Variants in SLC43A2 observed in about 807,000 individuals in gnomAD.
SLC43A2 encodes the protein large neutral amino acids transporter small subunit 4.
A neutral mutation model predicts 63.2 loss-of-function variants in SLC43A2; 38 were observed. The ratio of observed to expected loss-of-function variants is 0.60; its 90% CI spans 0.46 to 0.79. The LOEUF is 0.79. Among genes scored for constraint, SLC43A2 ranks in the 30% least tolerant of loss-of-function variants. The pLI is 0.00. For missense variants in SLC43A2, 644 were observed against 756.2 expected, an observed-to-expected ratio of 0.85 and a Z score of 1.74; for synonymous variants, 322 against 331.0, an observed-to-expected ratio of 0.97 and a Z score of 0.30.
Position 1,605,157 on chromosome 17 carries a change from G to A in SLC43A2, c.501+8038C>T. The A allele has an allele frequency of 8.0e-7, 1 of 1,245,192 alleles. No homozygotes were observed. The highest frequency in any genetic ancestry group is 1.0e-6 in the Non-Finnish European group (1 of 983,130). The allele number at this position is 1,245,192 out of a possible 1,614,324, so 77.1% of individuals were successfully genotyped here. A position where few individuals can be genotyped will look rare whatever the true frequency, so the allele number is the denominator to read the frequency against. On this transcript the variant is annotated intron_variant, in intron 5 of 13. Transcript: ENST00000301335. This position sits in a 1 kb window ranked among gnomAD's most constrained non-coding sequence, Gnocchi z 4.9. ...CCTCGCCGCCTCTGCCTCCGTGCGG[G>A]TCAACCTGTCCTGCCAGCCCGGGCT...
intron 6 of SLC43A2, 25 bp from the exon 7 acceptor site, chr17:1,591,724 T>TGGGGAGGGGGGGG: frequency 4.6e-6 from 1 of 218,408 alleles, no homozygotes. Flanking sequence ...GGGGACGGGG[T>TGGGGAGGGGGGGG]GGGGGGGGGA....
intron 2 of SLC43A2, 59 bp downstream of exon 2, chr17:1,627,653 TCCC>T: frequency 1.7e-5 from 5 of 298,350 alleles, no homozygotes; most frequent in Non-Finnish European, 3.2e-5. Flanking sequence ...TTCGCCCCCA[TCCC>T]GCCCCCTCCC....
Position 1,623,610 on chromosome 17 carries a change from C to CCT in SLC43A2, c.160+4103_160+4104dup, listed in dbSNP as rs1261427347. On this transcript the variant is annotated intron_variant, in intron 2 of 13. Coordinates refer to ENST00000301335, the MANE Select transcript of SLC43A2 (RefSeq NM_152346.3). The stretch of plus-strand genomic sequence containing the variant: ...CCGCCCCTTCCCACTTCTCTCCTCT[C>CCT]CTCCAGGGTGTACCCTCCTCTCCTC... Among the ~76,000 whole-genome samples the CCT allele has an allele frequency of 4.6e-5, 7 of 151,784 alleles. 1 individual carries two copies. The Middle Eastern group carries it at 0.02, about 443-fold the overall frequency.
intron 5 of SLC43A2, among the ~76,000 whole-genome samples, chr17:1,602,755 T>A (rs567064239): frequency 6.6e-6 from 1 of 151,010 alleles, no homozygotes; most frequent in Non-Finnish European, 1.5e-5. Context: ...TTTTGTTTTT[T>A]CAGTTTTTTT....
In SLC43A2 at chr17:1,618,664, G is replaced by A. The variant is rs963607051; in HGVS notation, c.161-1895C>T. On this transcript the variant is annotated intron_variant, in intron 2 of 13. Coordinates refer to ENST00000301335, the MANE Select transcript of SLC43A2 (RefSeq NM_152346.3). ...TCCCCAGTATCTCACCCAGGTCTTGGCCTACAATAGCTGTTTACTGAATAA... is the reference window on the plus strand; with the variant it reads ...TCCCCAGTATCTCACCCAGGTCTTGACCTACAATAGCTGTTTACTGAATAA... Among the ~76,000 whole-genome samples the A allele has an allele frequency of 4.6e-5, 7 of 152,326 alleles. No homozygotes were observed. The East Asian group carries it at 1.4e-3, about 29-fold the overall frequency.
intron 10 of SLC43A2, 104 bp downstream of exon 10, chr17:1,585,809 G>T (rs765660626): frequency 1.0e-5 from 16 of 1,603,614 alleles, no homozygotes; most frequent in East Asian, 2.2e-5. Flanking sequence ...GGAGTGCATT[G>T]CTCTCTCCCT....
Position 1,627,978 on chromosome 17 carries a change from C to CA in SLC43A2, c.-46-59dup, listed in dbSNP as rs1450692708. 3.1e-6 allele frequency: 4 copies of CA among 1,288,320 alleles called. No homozygotes were observed. In the African/African-American group the frequency reaches 4.7e-5, roughly 15 times the overall value. The allele number at this position is 1,288,320 out of a possible 1,614,324, so 79.8% of individuals were successfully genotyped here. A position where few individuals can be genotyped will look rare whatever the true frequency, so the allele number is the denominator to read the frequency against. On this transcript the variant is annotated intron_variant, in intron 1 of 13. Transcript: ENST00000301335. ...CTTGCCCAGCCCCTGCGGCCGCCCC[C>CA]AGCAGCCCCGACCGCTGCCGCAGGG...
intron 10 of SLC43A2, chr17:1,585,554 A>C: frequency 1.3e-6 from 1 of 743,536 alleles, no homozygotes; most frequent in Non-Finnish European, 1.9e-6. Context: ...CCAATTTTTA[A>C]ATTTTTTGTA....
chr17:1,591,216 A>T, intron 8 of SLC43A2, 53 bp downstream of exon 8: 1 of 1,584,170 alleles, frequency 6.3e-7, no homozygotes, highest in Non-Finnish European at 8.5e-7. Context: ...GGGTGAGCCG[A>T]TACCCACAGA....
Position 1,591,439 on chromosome 17 carries a change from T to A in SLC43A2, c.761A>T (p.Asp254Val). The A allele has an allele frequency of 6.2e-7, 1 of 1,613,018 alleles. No homozygotes were observed. The highest frequency in any genetic ancestry group is 8.5e-7 in the Non-Finnish European group (1 of 1,179,872). The change falls in exon 8 of 14, where the codon GAC (aspartate) becomes GTC (valine). Residue 254 changes from aspartate to valine, a missense_variant. Physicochemically the swap from Asp to Val is radical, Grantham distance 152 (BLOSUM62 -3). Around this residue, in one of 3 missense-constraint regions of SLC43A2, gnomAD observed 528 missense variants for 623.6 expected, o/e 0.85. Transcript: ENST00000301335. Reference sequence around the variant, plus strand: ...GAACTGCTTCCCTGTGATCTTGTGGTCAAAGCCCAGCCAGCTGAACTTGAT... The same window carrying A: ...GAACTGCTTCCCTGTGATCTTGTGGACAAAGCCCAGCCAGCTGAACTTGAT... ...VKIKFSWLGFDHKITGKQFYK... is the reference protein window; with the variant it reads ...VKIKFSWLGFVHKITGKQFYK...
intron 2 of SLC43A2, among the ~76,000 whole-genome samples, chr17:1,619,631 A>G (rs1204777342): frequency 6.6e-6 from 1 of 152,198 alleles, no homozygotes; most frequent in Non-Finnish European, 1.5e-5. Flanking sequence ...TCGCCCATCC[A>G]CAGTGGGGCA....
chr17:1,601,223 T>C (rs992707532), intron 5 of SLC43A2, among the ~76,000 whole-genome samples: 1 of 152,138 alleles, frequency 6.6e-6, no homozygotes, highest in African/African-American at 2.4e-5. Context: ...CAAAGGGGTC[T>C]GTTCCACACG....
chr17:1,576,861 C>CTT, intron 12 of SLC43A2, 141 bp from the exon 13 acceptor site: 18 of 775,308 alleles, frequency 2.3e-5, no homozygotes, highest in East Asian at 6.5e-5. Flanking sequence ...CTGGGCAGTT[C>CTT]TGTTTTTTTT....
At chr17:1,587,089 T>C (rs113803955) in intron 9 of SLC43A2, 7 of 1,010,234 alleles carry the variant, frequency 6.9e-6, no homozygotes, top group Admixed American at 2.3e-5. Context: ...TTTCCCACAC[T>C]GCGTTTCCCG....
rs138014016 is a variant in SLC43A2, at chr17:1,585,076, G to A, written c.1217+837C>T. ...GAAAGTCACCATCTGAGCCGGGCGC[G>A]GTGCCTCATACCTGTTAATCCCAGT... On this transcript the variant is annotated intron_variant, in intron 10 of 13. Coordinates refer to ENST00000301335, the MANE Select transcript of SLC43A2 (RefSeq NM_152346.3). Among the ~76,000 whole-genome samples, 536 of 152,252 alleles carry A rather than the reference G, an allele frequency of 3.5e-3. 2 individuals are homozygous for A. Among genetic ancestry groups the A allele is most frequent in the Middle Eastern group, 0.01 (3 of 294 alleles).
In SLC43A2 at chr17:1,577,227, GGC is replaced by G. The variant is rs2075948027; in HGVS notation, c.1425-509_1425-508del. ...GCTCCAGGCCCCAGACTCTGGGGAG[GGC>G]CCACCCCACTCAGCTGTGCCCAGGG... On this transcript the variant is annotated intron_variant, in intron 12 of 13. Coordinates refer to ENST00000301335, the MANE Select transcript of SLC43A2 (RefSeq NM_152346.3). This position sits in a 1 kb window ranked among gnomAD's most constrained non-coding sequence, Gnocchi z 4.9. 6.6e-6 allele frequency among the ~76,000 whole-genome samples: 1 copy of G among 152,182 alleles called. No homozygotes were observed. The highest frequency in any genetic ancestry group is 1.5e-5 in the Non-Finnish European group (1 of 68,036).
intron 2 of SLC43A2, among the ~76,000 whole-genome samples, chr17:1,621,597 CA>C (rs1223421072): frequency 6.6e-6 from 1 of 152,222 alleles, no homozygotes; most frequent in Non-Finnish European, 1.5e-5. Context: ...GGCCCCTGAG[CA>C]GTGGTCCCAG....
chr17:1,604,932 G>C (rs1322204921), intron 5 of SLC43A2: 7 of 1,521,846 alleles, frequency 4.6e-6, no homozygotes, highest in Non-Finnish European at 3.5e-6. Flanking sequence ...GTTCGAAGCC[G>C]CGGTGCCGGA....
intron 2 of SLC43A2, among the ~76,000 whole-genome samples, chr17:1,621,130 C>T (rs918042064): frequency 2.6e-5 from 4 of 152,114 alleles, no homozygotes; most frequent in African/African-American, 9.7e-5. Context: ...CCAGGGAGGA[C>T]GTACACCGTT....
Sources: allele counts gnomAD v4.1 joint callset (sites outside exome capture counted in the v4.1 genomes callset), GRCh38; gene constraint gnomAD v4.1.1; regional missense constraint gnomAD v4.1.1; non-coding constraint Gnocchi (gnomAD v3.1); transcripts MANE v1.5; gene names NCBI Gene and HGNC (gene_info 2026-07-23, HGNC 2026-07-21).